FHIT: variants seen among roughly 807,000 people sequenced by gnomAD.
FHIT encodes fragile histidine triad diadenosine triphosphatase.
Under a neutral mutation model 17.9 loss-of-function variants are expected in FHIT, and 19 were observed. The ratio of observed to expected loss-of-function variants is 1.06; its 90% CI spans 0.74 to 1.56. The LOEUF (loss-of-function observed/expected upper bound fraction) is 1.56. Ranked by LOEUF, FHIT falls within the 40% of genes most tolerant of loss-of-function variation. The pLI is 0.00. For missense variants in FHIT, 248 were observed against 189.2 expected, an observed-to-expected ratio of 1.31 and a Z score of -1.82; for synonymous variants, 81 against 69.7, an observed-to-expected ratio of 1.16 and a Z score of -0.81.
At chr3:59,820,741 G>A (rs1400124974) in intron 8 of FHIT, among the ~76,000 whole-genome samples, 1 of 152,180 alleles carries the variant, frequency 6.6e-6, no homozygotes, top group African/African-American at 2.4e-5. Flanking sequence ...GATCCCTATG[G>A]TCACACAGAG....
intron 5 of FHIT, among the ~76,000 whole-genome samples, chr3:60,203,471 C>G (rs537083197): frequency 6.6e-6 from 1 of 152,074 alleles, no homozygotes; most frequent in African/African-American, 2.4e-5. Flanking sequence ...TTTAGAGGAC[C>G]TGAGATGACC....
chr3:59,798,624 T>C (rs1699873398), intron 8 of FHIT, among the ~76,000 whole-genome samples: 1 of 152,208 alleles, frequency 6.6e-6, no homozygotes, highest in Admixed American at 6.5e-5. Flanking sequence ...CACAAAGAAG[T>C]AGCGGCTGGA....
chr3:60,356,626 G>A (rs958143212), intron 5 of FHIT, among the ~76,000 whole-genome samples: 3 of 151,820 alleles, frequency 2.0e-5, no homozygotes, highest in African/African-American at 7.3e-5. Flanking sequence ...GCTTTAACAG[G>A]CTTTCGGGAG....
At chr3:60,953,878 T>C (rs1708999731) in intron 3 of FHIT, among the ~76,000 whole-genome samples, 1 of 152,236 alleles carries the variant, frequency 6.6e-6, no homozygotes, top group Non-Finnish European at 1.5e-5. Context: ...ATGTCCATTA[T>C]AGTTCTATGA....
intron 8 of FHIT, among the ~76,000 whole-genome samples, chr3:59,767,138 G>T (rs1479456971): frequency 6.6e-6 from 1 of 152,178 alleles, no homozygotes; most frequent in Non-Finnish European, 1.5e-5. Flanking sequence ...GAGGGGGTCA[G>T]ATTCTGGACT....
intron 5 of FHIT, among the ~76,000 whole-genome samples, chr3:60,474,926 A>T (rs2033270492): frequency 6.6e-6 from 1 of 151,882 alleles, no homozygotes; most frequent in Admixed American, 6.6e-5. Context: ...CCTGGCCAAC[A>T]CAATACAATT....
rs80187792 is a variant in FHIT at position 61,115,550 on chromosome 3, T to C, written c.-163-73451A>G. The stretch of plus-strand genomic sequence containing the variant: ...TGCCAGATATATTCAGCAGATAAAA[T>C]AGAAATAAGCTGCTGATAAAATGGA... On this transcript the variant is annotated intron_variant, in intron 2 of 9. Transcript: ENST00000492590. Among the ~76,000 whole-genome samples, 223 of 152,062 alleles carry C rather than the reference T, an allele frequency of 1.5e-3. 3 individuals carry two copies. The East Asian group carries it at 0.034, about 23-fold the overall frequency.
chr3:60,114,509 T>TTTTTTTTTTTTTTTTTTTG (rs1704862848), intron 5 of FHIT, among the ~76,000 whole-genome samples: 1 of 139,512 alleles, frequency 7.2e-6, no homozygotes, highest in Non-Finnish European at 1.6e-5. Flanking sequence ...TTTTTTTTTT[T>TTTTTTTTTTTTTTTTTTTG]TTTTGAGACA....
intron 5 of FHIT, among the ~76,000 whole-genome samples, chr3:60,087,963 T>C (rs560664476): frequency 5.3e-5 from 8 of 152,294 alleles, no homozygotes; most frequent in Admixed American, 2.0e-4. Flanking sequence ...AATTTATAAA[T>C]AAAAGGATTT....
At chr3:60,371,906 C>T (rs1193659756) in intron 5 of FHIT, among the ~76,000 whole-genome samples, 1 of 148,628 alleles carries the variant, frequency 6.7e-6, no homozygotes, top group Non-Finnish European at 1.5e-5. Flanking sequence ...GCTTTCTGTA[C>T]ATACCTCATT....
chr3:60,181,227 C>T (rs1701919141), intron 5 of FHIT, among the ~76,000 whole-genome samples: 1 of 148,466 alleles, frequency 6.7e-6, no homozygotes, highest in Non-Finnish European at 1.5e-5. Context: ...CTCACTACAA[C>T]CTCTGCCTCC....
intron 4 of FHIT, among the ~76,000 whole-genome samples, chr3:60,782,262 T>G (rs797028348): frequency 1.3e-5 from 2 of 148,732 alleles, no homozygotes; most frequent in African/African-American, 4.9e-5. Flanking sequence ...TATCACATTT[T>G]CTTTATCCAT....
intron 4 of FHIT, among the ~76,000 whole-genome samples, chr3:60,776,141 T>C (rs1700211153): frequency 1.3e-5 from 2 of 152,210 alleles, no homozygotes; most frequent in African/African-American, 2.4e-5. Flanking sequence ...CATCTTGTTT[T>C]ATATCCTGAG....
At chr3:60,536,616 C>T (rs990051137) in intron 5 of FHIT, 8 of 386,082 alleles carry the variant, frequency 2.1e-5, no homozygotes, top group Non-Finnish European at 2.3e-5. Flanking sequence ...TCCAAAGCCA[C>T]GGTTGCTAAG....
chr3:59,766,051 A>G (rs545134915), intron 8 of FHIT, among the ~76,000 whole-genome samples: 1 of 152,304 alleles, frequency 6.6e-6, no homozygotes, highest in East Asian at 1.9e-4. Flanking sequence ...AATGGTGAGC[A>G]TAGATTGAGG....
At chr3:60,693,892 A>T (rs911835830) in intron 4 of FHIT, among the ~76,000 whole-genome samples, 1 of 152,236 alleles carries the variant, frequency 6.6e-6, no homozygotes, top group Non-Finnish European at 1.5e-5. Context: ...TAGCTACACC[A>T]GCACTGAATA....
In FHIT at chr3:59,985,179, A is replaced by G. The variant is rs577318265; in HGVS notation, c.279+26192T>C. Among the ~76,000 whole-genome samples the G allele has an allele frequency of 3.9e-5, 6 of 152,238 alleles. No individual in the cohort carries two copies. In the South Asian group the frequency reaches 1.2e-3, roughly 32 times the overall value. On this transcript the variant is annotated intron_variant, in intron 7 of 9. Coordinates refer to ENST00000492590, the MANE Select transcript of FHIT (RefSeq NM_002012.4). ...GCAGCTTCTGGACATGGAAAGGACT[A>G]AAGTTAATTTGCCCATCTGGGGATT...
chr3:60,242,651 T>A (rs1260106470), intron 5 of FHIT, among the ~76,000 whole-genome samples: 1 of 152,070 alleles, frequency 6.6e-6, no homozygotes, highest in East Asian at 1.9e-4. Flanking sequence ...ATATTATTTA[T>A]TTTTAGCTGA....
At chr3:60,361,098 G>A (rs570859979) in intron 5 of FHIT, among the ~76,000 whole-genome samples, 16 of 152,246 alleles carry the variant, frequency 1.1e-4, no homozygotes, top group South Asian at 2.1e-4. Context: ...ATATTCATCC[G>A]TTCATCCAAT....
Sources: allele counts gnomAD v4.1 joint callset (sites outside exome capture counted in the v4.1 genomes callset), GRCh38; gene constraint gnomAD v4.1.1; transcripts MANE v1.5; gene names NCBI Gene and HGNC (gene_info 2026-07-23, HGNC 2026-07-21).